Variants in ZNF761 observed in about 807,000 individuals in gnomAD.
ZNF761 encodes the protein zinc finger protein 761.
ZNF761 carries 43 observed loss-of-function variants against 59.9 expected under a neutral mutation model. That is an observed-to-expected ratio of 0.72 (90% CI 0.56 to 0.92). The LOEUF (loss-of-function observed/expected upper bound fraction) is 0.92, where lower values mean the gene tolerates loss of function less well. Ranked by LOEUF, ZNF761 falls within the 40% of genes least tolerant of loss-of-function variation. ZNF761 has a pLI of 0.00. For synonymous variants in ZNF761, 294 were observed against 304.8 expected (o/e 0.96, Z 0.37); for missense variants, 850 against 906.1 (o/e 0.94, Z 0.79).
intron 1 of ZNF761, among the ~76,000 whole-genome samples, chr19:53,435,286 GTCCTTT>G (rs2086026760): frequency 8.8e-6 from 1 of 114,260 alleles, no homozygotes; most frequent in African/African-American, 3.7e-5. Flanking sequence ...ATAAATACAA[GTCCTTT>G]TTTTTTTTTT....
intron 1 of ZNF761, chr19:53,444,546 A>G (rs1212438936): frequency 2.6e-5 from 4 of 152,206 alleles, no homozygotes; most frequent in Admixed American, 6.5e-5. Flanking sequence ...TAGTCCTGCC[A>G]CATTCCCCTC....
rs747115636 is a variant in ZNF761, at chr19:53,455,443, A to G, written c.936A>G (p.Ile312Met). 5.0e-6 allele frequency: 8 copies of G among 1,610,472 alleles called. No homozygotes were observed. Among genetic ancestry groups the G allele is most frequent in the African/African-American group, 4.1e-5 (3 of 73,786 alleles). ...ECDKAFHFKSILERHRIIHTE... is the reference protein window; with the variant it reads ...ECDKAFHFKSMLERHRIIHTE... ...ACAAAGCTTTCCATTTCAAATCAAT[A>G]CTTGAAAGACATAGGATAATTCATA... The change falls in exon 5 of 5, where the codon ATA becomes ATG. Residue 312 changes from isoleucine (I) to methionine (M), a missense_variant. By Grantham distance (10) the Ile-to-Met change is conservative (BLOSUM62 1). Coordinates refer to ENST00000684525, the MANE Select transcript of ZNF761 (RefSeq NM_001289951.2).
intron 4 of ZNF761, among the ~76,000 whole-genome samples, chr19:53,451,274 A>T (rs2086219311): frequency 6.6e-6 from 1 of 152,176 alleles, no homozygotes; most frequent in Non-Finnish European, 1.5e-5. Flanking sequence ...GCAATGGCAC[A>T]ATCTCGGGTC....
intron 1 of ZNF761, chr19:53,442,016 G>C: frequency 2.8e-6 from 3 of 1,062,132 alleles, no homozygotes; most frequent in Non-Finnish European, 4.3e-6. Context: ...AGTGGCCTCC[G>C]TGAACGGTAG....
At chr19:53,450,211 G>GCA (rs2086208362) in intron 4 of ZNF761, 1 of 183,506 alleles carries the variant, frequency 5.4e-6, no homozygotes, top group Non-Finnish European at 1.1e-5. Context: ...GCTGAAGCAG[G>GCA]AGGATCACAT....
intron 1 of ZNF761, chr19:53,442,120 G>C (rs553032758): frequency 6.7e-6 from 7 of 1,047,928 alleles, no homozygotes; most frequent in Middle Eastern, 2.8e-4. Context: ...CTGCTGATGA[G>C]AGTGAGAGAG....
At chr19:53,438,551 G>C (rs574016105) in intron 1 of ZNF761, among the ~76,000 whole-genome samples, 4 of 152,100 alleles carry the variant, frequency 2.6e-5, no homozygotes, top group African/African-American at 9.7e-5. Flanking sequence ...GCTATTTCTT[G>C]GTTAGTTTTT....
rs770603166 is a variant in ZNF761 at position 53,456,119 on chromosome 19, A to G, written c.1612A>G (p.Thr538Ala). ...GKTFSWKSSL[T>A]CHRRLHSGEK... The stretch of plus-strand genomic sequence containing the variant: ...GACCTTTAGTTGGAAGTCATCCCTT[A>G]CCTGCCATCGTAGACTTCATTCTGG... The change falls in exon 5 of 5, where the codon ACC (threonine) becomes GCC (alanine). Residue 538 changes from threonine to alanine, a missense_variant. Transcript: ENST00000684525. 23 of 1,603,762 alleles carry G rather than the reference A, an allele frequency of 1.4e-5. No individual in the cohort carries two copies. The highest frequency in any genetic ancestry group is 4.4e-5 in the South Asian group (4 of 90,448).
chr19:53,440,761 G>T (rs1043175445), intron 1 of ZNF761, among the ~76,000 whole-genome samples: 4 of 152,072 alleles, frequency 2.6e-5, no homozygotes, highest in Admixed American at 6.6e-5. Context: ...CTGCAGCCTC[G>T]ACCTCCTGGG....
intron 1 of ZNF761, among the ~76,000 whole-genome samples, chr19:53,439,270 C>CAAAAA (rs71185881): frequency 1.5e-5 from 2 of 132,884 alleles, no homozygotes; most frequent in Non-Finnish European, 3.2e-5. Context: ...GACTCTGACT[C>CAAAAA]AAAAAAAAAA....
intron 1 of ZNF761, chr19:53,441,652 G>T (rs956061806): frequency 4.7e-6 from 2 of 425,834 alleles, no homozygotes; most frequent in African/African-American, 2.0e-5. Flanking sequence ...TCACCATGTT[G>T]GCCAGGCTGG....
rs865846450 is a variant in ZNF761, at chr19:53,456,931, T to C, written c.*183T>C. The C allele has an allele frequency of 1.3e-6, 1 of 787,532 alleles. No individual in the cohort carries two copies. The highest frequency in any genetic ancestry group is 1.7e-5 in the African/African-American group (1 of 57,410). The allele number at this position is 787,532 out of a possible 1,614,324, so 48.8% of individuals were successfully genotyped here. On this transcript the variant is annotated 3_prime_UTR_variant, in exon 5 of 5. Transcript: ENST00000684525. The stretch of plus-strand genomic sequence containing the variant: ...TAAATGTGAAGAATGTCACAAAGTT[T>C]ACAGTCGCACATCAAACCGTGAAAG...
At position 53,449,371 on chromosome 19, in the gene ZNF761, A is replaced by G. The variant is rs1454454031; in HGVS notation, c.16-141A>G. ...AGTAAAACACAACTGGGAAGACAAA[A>G]TGCGGTGAAAAATCCCTTACTCAGA... On this transcript the variant is annotated intron_variant, in intron 3 of 4. Coordinates refer to ENST00000684525, the MANE Select transcript of ZNF761 (RefSeq NM_001289951.2). 7 of 1,597,976 alleles carry G rather than the reference A, an allele frequency of 4.4e-6. No individual in the cohort carries two copies. In the African/African-American group the frequency reaches 5.4e-5, roughly 12 times the overall value.
chr19:53,445,766 G>A (rs10414898), intron 1 of ZNF761, among the ~76,000 whole-genome samples: 7,670 of 151,726 alleles, frequency 0.051, 225 homozygotes, highest in African/African-American at 0.08. Context: ...CATCTTCGAG[G>A]CCTTTCTCTG....
intron 1 of ZNF761, among the ~76,000 whole-genome samples, chr19:53,437,716 G>T (rs1162845316): frequency 6.6e-6 from 1 of 152,178 alleles, no homozygotes; most frequent in Admixed American, 6.5e-5. Context: ...CAGCCTCTAA[G>T]TGCTGTAGAA....
At chr19:53,439,190 GA>G (rs1310853291) in intron 1 of ZNF761, among the ~76,000 whole-genome samples, 1 of 149,986 alleles carries the variant, frequency 6.7e-6, no homozygotes, top group African/African-American at 2.4e-5. Context: ...AGAATTGCTT[GA>G]ACCGAGGGGG....
chr19:53,440,603 G>A (rs1375062472), intron 1 of ZNF761, among the ~76,000 whole-genome samples: 1 of 152,034 alleles, frequency 6.6e-6, no homozygotes, highest in African/African-American at 2.4e-5. Context: ...CCTTTTTGCA[G>A]GATGGGGTAG....
intron 4 of ZNF761, among the ~76,000 whole-genome samples, chr19:53,453,713 TAAAAATAC>T (rs1268584080): frequency 6.6e-6 from 1 of 151,968 alleles, no homozygotes; most frequent in South Asian, 2.1e-4. Context: ...CTATTTCTAC[TAAAAATAC>T]AAAAATTAGC....
At chr19:53,445,754 A>G (rs1481282607) in intron 1 of ZNF761, among the ~76,000 whole-genome samples, 1 of 152,086 alleles carries the variant, frequency 6.6e-6, no homozygotes, top group Non-Finnish European at 1.5e-5. Context: ...AGACACAGAG[A>G]CCATCTTCGA....
Sources: allele counts gnomAD v4.1 joint callset (sites outside exome capture counted in the v4.1 genomes callset), GRCh38; gene constraint gnomAD v4.1.1; transcripts MANE v1.5; gene names NCBI Gene and HGNC (gene_info 2026-07-23, HGNC 2026-07-21).